Variants in TRAM1 observed in about 807,000 individuals in gnomAD.
TRAM1 encodes translocation associated membrane protein 1, also known as translocating chain-associated membrane protein 1.
Under a neutral mutation model 48.7 loss-of-function variants are expected in TRAM1, and 17 were observed. The observed-to-expected ratio is 0.35, with a 90% CI of 0.24 to 0.52. The LOEUF (loss-of-function observed/expected upper bound fraction) is 0.52, where lower values mean the gene tolerates loss of function less well. Among genes scored for constraint, TRAM1 ranks in the 20% least tolerant of loss-of-function variants. The pLI, the probability that TRAM1 is intolerant of heterozygous loss-of-function variation, is 0.94. For synonymous variants in TRAM1, 182 were observed against 154.0 expected (o/e 1.18, Z -1.34); for missense variants, 351 against 441.5 (o/e 0.79, Z 1.84).
At chr8:70,595,924 G>A (rs1817477055) in intron 5 of TRAM1, among the ~76,000 whole-genome samples, 1 of 152,012 alleles carries the variant, frequency 6.6e-6, no homozygotes, top group African/African-American at 2.4e-5. Flanking sequence ...AAAGAGACAG[G>A]GGGTGGGGAC....
At chr8:70,601,615 T>C (rs1817608893) in intron 1 of TRAM1, among the ~76,000 whole-genome samples, 1 of 152,172 alleles carries the variant, frequency 6.6e-6, no homozygotes, top group African/African-American at 2.4e-5. Context: ...AATTAATCAA[T>C]ATCGCTGAAT....
At chr8:70,603,329 C>T (rs1339782759) in intron 1 of TRAM1, among the ~76,000 whole-genome samples, 2 of 139,020 alleles carry the variant, frequency 1.4e-5, no homozygotes, top group African/African-American at 5.1e-5. Flanking sequence ...CACACACACA[C>T]ACACAATCTG....
Position 70,583,698 on chromosome 8 carries a change from T to C in TRAM1, c.842A>G (p.Asn281Ser), listed in dbSNP as rs1322070133. 2 of 1,613,098 alleles carry C rather than the reference T, an allele frequency of 1.2e-6. No homozygotes were observed. The highest frequency in any genetic ancestry group is 2.7e-5 in the African/African-American group (2 of 74,848). The change falls in exon 9 of 11, where the codon AAT becomes AGT. Residue 281 changes from asparagine to serine, a missense_variant. By Grantham distance (46) the Asn-to-Ser change is conservative. Transcript: ENST00000262213. Reference protein sequence around the residue: ...TVGFGLARAENQKLDFSTGNF... With the variant: ...TVGFGLARAESQKLDFSTGNF... ...TCCAGTACTGAAATCCAGCTTCTGA[T>C]TTTCTGCTCTTGCAAGGCCAAAACC... is the stretch of plus-strand genomic sequence containing the variant.
intron 6 of TRAM1, among the ~76,000 whole-genome samples, chr8:70,588,672 C>T (rs1474255995): frequency 6.6e-6 from 1 of 152,182 alleles, no homozygotes; most frequent in Non-Finnish European, 1.5e-5. Context: ...TACACACACA[C>T]AAACACACAA....
At chr8:70,593,164 A>G (rs1817404752) in intron 6 of TRAM1, among the ~76,000 whole-genome samples, 1 of 152,226 alleles carries the variant, frequency 6.6e-6, no homozygotes, top group African/African-American at 2.4e-5. Flanking sequence ...AAAGAACTTA[A>G]GTACCATAGC....
Position 70,582,423 on chromosome 8 carries a change from T to G in TRAM1, c.1051+741A>C, listed in dbSNP as rs556196213. On this transcript the variant is annotated intron_variant, in intron 10 of 10. Transcript: ENST00000262213. ...GATCCTCCTGCCTCAGCCTCCTGAATAGCTGGACTACAGGCACCCCCCACT... is the reference window on the plus strand; with the variant it reads ...GATCCTCCTGCCTCAGCCTCCTGAAGAGCTGGACTACAGGCACCCCCCACT... Among the ~76,000 whole-genome samples the G allele has an allele frequency of 2.7e-5, 4 of 149,388 alleles. No individual in the cohort carries two copies. In the South Asian group the frequency reaches 8.4e-4, roughly 32 times the overall value.
intron 1 of TRAM1, among the ~76,000 whole-genome samples, chr8:70,606,327 C>A (rs1013945821): frequency 2.0e-5 from 3 of 152,096 alleles, no homozygotes; most frequent in African/African-American, 7.2e-5. Context: ...CAGCTGAGAC[C>A]ACAGGTGCGT....
intron 5 of TRAM1, among the ~76,000 whole-genome samples, chr8:70,595,733 T>C (rs1298723611): frequency 3.3e-5 from 5 of 151,976 alleles, no homozygotes; most frequent in Admixed American, 2.0e-4. Context: ...CAGGCTAAAA[T>C]AGCAAGGAAA....
intron 6 of TRAM1, among the ~76,000 whole-genome samples, chr8:70,588,037 C>G (rs1457008385): frequency 6.6e-6 from 1 of 151,894 alleles, no homozygotes; most frequent in Non-Finnish European, 1.5e-5. Context: ...GGCAACACAG[C>G]AAGACCCTGT....
intron 6 of TRAM1, among the ~76,000 whole-genome samples, chr8:70,588,422 CA>C (rs1380593505): frequency 2.0e-5 from 3 of 151,760 alleles, no homozygotes; most frequent in Non-Finnish European, 2.9e-5. Context: ...CCCATCTCTA[CA>C]AAAAAATGTT....
intron 6 of TRAM1, among the ~76,000 whole-genome samples, chr8:70,588,632 A>G (rs939920830): frequency 6.6e-6 from 1 of 152,192 alleles, no homozygotes; most frequent in African/African-American, 2.4e-5. Context: ...TATATAGCAC[A>G]TTGTATTATG....
intron 5 of TRAM1, among the ~76,000 whole-genome samples, chr8:70,595,812 T>G (rs1319303222): frequency 6.6e-6 from 1 of 152,116 alleles, no homozygotes; most frequent in Non-Finnish European, 1.5e-5. Context: ...TGGTAACCAC[T>G]GAGCACTTTA....
chr8:70,594,584 T>C lies in TRAM1; in HGVS notation c.492A>G (p.Gln164=), dbSNP rs767533504. The change falls in exon 6 of 11, where the codon CAA becomes CAG. Residue 164 remains glutamine (Q), a synonymous_variant. Transcript: ENST00000262213. ...RAYPHNLMTF[Q]MKFFYISQLA... ...GCTGTGATATGTAGAAAAACTTCAT[T>C]TGAAATCTGTACAACACAAGAAAAT... 81 of 1,597,628 alleles carry C rather than the reference T, an allele frequency of 5.1e-5. No homozygotes were observed. The highest frequency in any genetic ancestry group is 6.9e-5 in the South Asian group (6 of 87,556).
At chr8:70,577,011 T>C (rs968273192) in intron 10 of TRAM1, among the ~76,000 whole-genome samples, 4 of 152,062 alleles carry the variant, frequency 2.6e-5, no homozygotes, top group Admixed American at 2.6e-4. Flanking sequence ...TCTGGGGGCT[T>C]TTCTCTCTTT....
chr8:70,597,284 G>C (rs969230159), intron 4 of TRAM1, among the ~76,000 whole-genome samples: 1 of 152,108 alleles, frequency 6.6e-6, no homozygotes, highest in Non-Finnish European at 1.5e-5. Context: ...GAAAACACTG[G>C]GGCTGTTTTT....
intron 6 of TRAM1, among the ~76,000 whole-genome samples, chr8:70,589,390 A>G (rs1817299669): frequency 6.6e-6 from 1 of 152,222 alleles, no homozygotes; most frequent in African/African-American, 2.4e-5. Flanking sequence ...TAATCATCTC[A>G]GAAAAGCTCA....
intron 10 of TRAM1, among the ~76,000 whole-genome samples, chr8:70,577,129 C>T (rs1816972771): frequency 6.6e-6 from 1 of 152,194 alleles, no homozygotes; most frequent in Non-Finnish European, 1.5e-5. Flanking sequence ...AGGCAGCTCC[C>T]TGCTCCCTTG....
intron 6 of TRAM1, among the ~76,000 whole-genome samples, chr8:70,590,487 A>G (rs1041929644): frequency 6.6e-6 from 1 of 152,042 alleles, no homozygotes; most frequent in African/African-American, 2.4e-5. Flanking sequence ...TTAGCCCCAT[A>G]CCTCCTTTTT....
At chr8:70,600,215 CA>C (rs1218187177) in intron 1 of TRAM1, 133 bp from the exon 2 acceptor site, 1 of 649,344 alleles carries the variant, frequency 1.5e-6, no homozygotes, top group East Asian at 2.8e-5. Flanking sequence ...GGAATCCTGA[CA>C]GACACAATGG....
Sources: gnomAD v4.1 joint callset for allele counts (sites outside exome capture counted in the v4.1 genomes callset) on GRCh38, gnomAD v4.1.1 for gene constraint, MANE v1.5 for transcripts, NCBI Gene and HGNC (gene_info 2026-07-23, HGNC 2026-07-21) for gene names.